Variants in NTRK2 observed in about 807,000 individuals in gnomAD.
NTRK2 encodes the protein BDNF/NT-3 growth factors receptor.
A neutral mutation model predicts 94.5 loss-of-function variants in NTRK2; 13 were observed. That is an observed-to-expected ratio of 0.14 (90% CI 0.09 to 0.22). NTRK2 has a LOEUF of 0.22. Ranked by LOEUF, NTRK2 falls within the 10% of genes least tolerant of loss-of-function variation. The pLI is 1.00. For missense variants in NTRK2, 639 were observed against 1,071.2 expected, an observed-to-expected ratio of 0.60 and a Z score of 5.63; for synonymous variants, 372 against 407.4, an observed-to-expected ratio of 0.91 and a Z score of 1.05.
chr9:84,711,861 G>T (rs2061436919), intron 6 of NTRK2, among the ~76,000 whole-genome samples: 1 of 152,124 alleles, frequency 6.6e-6, no homozygotes, highest in African/African-American at 2.4e-5. Flanking sequence ...CACAAATAGA[G>T]TCCTTTGGTT....
chr9:84,669,973 G>C lies in NTRK2; in HGVS notation c.-373+85G>C, dbSNP rs1326646777. ...GCCTCGGCTACTCCCCAGGTGGGAC[G>C]TGCCGCGCCACCTGCCCGCGCCACC... On this transcript the variant is annotated intron_variant, in intron 1 of 18. Transcript: ENST00000277120. The surrounding 1 kb of genome is among the most constrained non-coding windows in gnomAD (Gnocchi z 4.1). The C allele has an allele frequency of 6.5e-6, 1 of 153,522 alleles. No homozygotes were observed. The highest frequency in any genetic ancestry group is 1.5e-5 in the Non-Finnish European group (1 of 68,784). 9.5% of individuals were successfully genotyped at this position (153,522 alleles called of 1,614,324 possible). A position where few individuals can be genotyped will look rare whatever the true frequency, so the allele number is the denominator to read the frequency against.
rs1356108430 is a variant in NTRK2 at position 84,702,171 on chromosome 9, C to T, written c.225C>T (p.Asn75=). The T allele has an allele frequency of 1.2e-6, 2 of 1,614,086 alleles. No homozygotes were observed. The highest frequency in any genetic ancestry group is 1.6e-4 in the Middle Eastern group (1 of 6,062). ...PENITEIFIA[N]QKRLEIINED... ...TGCTTTGTTACAGTTTCATCGCAAA[C>T]CAGAAAAGGTTAGAAATCATCAACG... Residue 75 remains asparagine, a synonymous_variant, in exon 3 of 19, where the codon AAC becomes AAT. Coordinates refer to ENST00000277120, the MANE Select transcript of NTRK2 (RefSeq NM_006180.6).
chr9:84,763,996 A>G (rs10746748), intron 12 of NTRK2, among the ~76,000 whole-genome samples: 91,339 of 151,950 alleles, frequency 0.6, 28,575 homozygotes, highest in South Asian at 0.68. Flanking sequence ...TCAACTTGCC[A>G]TTTATCCTCT....
intron 15 of NTRK2, among the ~76,000 whole-genome samples, chr9:84,935,617 G>C (rs1440560461): frequency 6.6e-6 from 1 of 152,112 alleles, no homozygotes; most frequent in Non-Finnish European, 1.5e-5. Context: ...ACAAATGGAG[G>C]GGGAGAGAGA....
At chr9:84,958,560 C>T (rs74544299) in intron 17 of NTRK2, among the ~76,000 whole-genome samples, 3,221 of 152,220 alleles carry the variant, frequency 0.021, 128 homozygotes, top group African/African-American at 0.074. Flanking sequence ...GTTAATTTCA[C>T]CCCCGTGGCC....
intron 14 of NTRK2, chr9:84,873,002 G>A (rs772659695): frequency 1.2e-5 from 13 of 1,063,630 alleles, no homozygotes; most frequent in Non-Finnish European, 1.5e-5. Context: ...ACATTACTTT[G>A]AGTACACATG....
At chr9:84,889,604 G>A (rs923120731) in intron 14 of NTRK2, among the ~76,000 whole-genome samples, 3 of 152,032 alleles carry the variant, frequency 2.0e-5, no homozygotes, top group African/African-American at 7.2e-5. Context: ...GTAGAGACGA[G>A]GTTTCACCCT....
chr9:84,732,498 C>G (rs1356068907), intron 9 of NTRK2, among the ~76,000 whole-genome samples: 1 of 152,176 alleles, frequency 6.6e-6, no homozygotes, highest in Non-Finnish European at 1.5e-5. Context: ...GAACTCTGAG[C>G]TGTGTAACAT....
chr9:84,867,374 G>A lies in NTRK2; in HGVS notation c.1576G>A (p.Val526Ile), dbSNP rs2132059884. Residue 526 changes from valine to isoleucine, a missense_variant, in exon 14 of 19, where the codon GTC becomes ATC. This residue lies in a region of NTRK2 where 343 missense variants were observed against 571.5 expected (regional missense o/e 0.60). Coordinates refer to ENST00000277120, the MANE Select transcript of NTRK2 (RefSeq NM_006180.6). Reference sequence around the variant, plus strand: ...CATTATTGGAATGACCAAGATCCCTGTCATTGAAAATCCCCAGTACTTTGG... The same window carrying A: ...CATTATTGGAATGACCAAGATCCCTATCATTGAAAATCCCCAGTACTTTGG... Reference protein sequence around the residue: ...AVIIGMTKIPVIENPQYFGIT... With the variant: ...AVIIGMTKIPIIENPQYFGIT... 6.2e-7 allele frequency: 1 copy of A among 1,614,080 alleles called. No homozygotes were observed. Among genetic ancestry groups the A allele is most frequent in the East Asian group, 2.2e-5 (1 of 44,884 alleles).
intron 12 of NTRK2, among the ~76,000 whole-genome samples, chr9:84,771,067 T>A (rs545955478): frequency 1.3e-5 from 2 of 152,358 alleles, no homozygotes; most frequent in East Asian, 3.9e-4. Context: ...TTTCCCAGAA[T>A]GGGAGTGATT....
intron 12 of NTRK2, among the ~76,000 whole-genome samples, chr9:84,837,234 T>A (rs1462022494): frequency 2.0e-5 from 3 of 152,062 alleles, no homozygotes; most frequent in Non-Finnish European, 4.4e-5. Flanking sequence ...ATGAGGAAAC[T>A]GTTTCTGAGA....
intron 12 of NTRK2, among the ~76,000 whole-genome samples, chr9:84,778,608 C>A (rs1318341402): frequency 6.6e-6 from 1 of 152,348 alleles, no homozygotes; most frequent in African/African-American, 2.4e-5. Flanking sequence ...TCCCTCTGGG[C>A]TCAGTTTGGC....
rs192847384 is a variant in NTRK2 at position 84,787,478 on chromosome 9, T to C, written c.1396+35393T>C. Among the ~76,000 whole-genome samples the C allele has an allele frequency of 2.4e-4, 36 of 152,310 alleles. 1 individual carries two copies. The highest frequency in any genetic ancestry group is 1.9e-3 in the Admixed American group (29 of 15,296). On this transcript the variant is annotated intron_variant, in intron 12 of 18. Transcript: ENST00000277120. ...TCTTTATTCATCCATAAAATTAGGA[T>C]GACATGAACTGATCCCTCACTTATT...
intron 2 of NTRK2, among the ~76,000 whole-genome samples, chr9:84,695,616 AAAC>A (rs1364564271): frequency 6.6e-6 from 1 of 152,222 alleles, no homozygotes; most frequent in Non-Finnish European, 1.5e-5. Context: ...TGACAACACA[AAAC>A]AAGATGACAA....
At chr9:84,984,720 A>C (rs1828081818) in intron 17 of NTRK2, among the ~76,000 whole-genome samples, 1 of 152,236 alleles carries the variant, frequency 6.6e-6, no homozygotes, top group African/African-American at 2.4e-5. Flanking sequence ...ACAGTTCGTT[A>C]AGAAGTAGTT....
intron 12 of NTRK2, among the ~76,000 whole-genome samples, chr9:84,791,211 C>T (rs1434370147): frequency 6.6e-6 from 1 of 152,114 alleles, no homozygotes; most frequent in Non-Finnish European, 1.5e-5. Context: ...GTCCTGTGAC[C>T]CCCATCCCTC....
chr9:84,797,568 T>C (rs1347718946), intron 12 of NTRK2, among the ~76,000 whole-genome samples: 1 of 85,874 alleles, frequency 1.2e-5, no homozygotes, highest in African/African-American at 5.8e-5. Flanking sequence ...ATACTATATA[T>C]TATATATATT....
chr9:84,729,961 T>A lies in NTRK2; in HGVS notation c.1159+2002T>A, dbSNP rs546375664. 4.6e-5 allele frequency among the ~76,000 whole-genome samples: 7 copies of A among 152,390 alleles called. No individual in the cohort carries two copies. In the South Asian group the frequency reaches 8.3e-4, roughly 18 times the overall value. The stretch of plus-strand genomic sequence containing the variant: ...TGGCCTCATTTTCATTGATCATTTC[T>A]GCTAGTTTTTACTTAGCTTGTGATG... On this transcript the variant is annotated intron_variant, in intron 9 of 18. Coordinates refer to ENST00000277120, the MANE Select transcript of NTRK2 (RefSeq NM_006180.6).
intron 11 of NTRK2, among the ~76,000 whole-genome samples, chr9:84,750,738 G>T (rs529890194): frequency 6.6e-6 from 1 of 152,314 alleles, no homozygotes; most frequent in African/African-American, 2.4e-5. Flanking sequence ...GCAAAAGTTT[G>T]CCAACTCCTG....
Sources: allele counts gnomAD v4.1 joint callset (sites outside exome capture counted in the v4.1 genomes callset), GRCh38; gene constraint gnomAD v4.1.1; regional missense constraint gnomAD v4.1.1; non-coding constraint Gnocchi (gnomAD v3.1); transcripts MANE v1.5; gene names NCBI Gene and HGNC (gene_info 2026-07-23, HGNC 2026-07-21).